Variants in SLC25A35 observed in about 807,000 individuals in gnomAD.
SLC25A35 encodes solute carrier family 25, member 35.
Under a neutral mutation model 30.5 loss-of-function variants are expected in SLC25A35, and 32 were observed. The observed-to-expected ratio is 1.05, with a 90% CI of 0.79 to 1.41. The LOEUF (loss-of-function observed/expected upper bound fraction) is 1.41, where lower values mean the gene tolerates loss of function less well. Among genes scored for constraint, SLC25A35 ranks in the 40% most tolerant of loss-of-function variants. SLC25A35 has a pLI of 0.00. For synonymous variants in SLC25A35, 142 were observed against 158.1 expected (o/e 0.90, Z 0.77); for missense variants, 369 against 388.0 (o/e 0.95, Z 0.41).
rs758433055 is a variant in SLC25A35, at chr17:8,290,845, G to C, written c.726C>G (p.Gly242=). The C allele has an allele frequency of 6.2e-7, 1 of 1,613,874 alleles. No individual in the cohort carries two copies. Among genetic ancestry groups the C allele is most frequent in the Non-Finnish European group, 8.5e-7 (1 of 1,179,850 alleles). The stretch of plus-strand genomic sequence containing the variant: ...GCATCCCAGAGCACTTCCTTACCTT[G>C]CCCTGTGCATCTGTGGGCTGGTTGT... ...RLYNQPTDAQ[G]KGLMYRGILD... is the part of the protein sequence containing the mutation. The change falls in exon 4 of 5, where the codon GGC becomes GGG. Residue 242 remains glycine, a synonymous_variant. Transcript: ENST00000577745.
intron 3 of SLC25A35, 44 bp from the exon 4 acceptor site, chr17:8,291,020 T>C: frequency 6.2e-7 from 1 of 1,611,098 alleles, no homozygotes; most frequent in African/African-American, 1.3e-5. Flanking sequence ...AGCCAACTAT[T>C]ACACCCCAAG....
downstream of SLC25A35, chr17:8,288,658 C>A: frequency 2.8e-6 from 3 of 1,089,184 alleles, no homozygotes; most frequent in Admixed American, 5.3e-5. Context: ...GGAGCCAAAT[C>A]TTAAAGGATC....
intron 2 of SLC25A35, among the ~76,000 whole-genome samples, chr17:8,292,296 T>C (rs1251602603): frequency 6.6e-6 from 1 of 151,746 alleles, no homozygotes; most frequent in Non-Finnish European, 1.5e-5. Context: ...GAAGCGGAGG[T>C]TGCAGTGAGC....
At chr17:8,291,603 G>C in intron 2 of SLC25A35, 118 bp from the exon 3 acceptor site, 1 of 1,378,666 alleles carries the variant, frequency 7.3e-7, no homozygotes, top group Non-Finnish European at 9.7e-7. Context: ...CCAGTTCAAT[G>C]TGGGCTTAGA....
chr17:8,290,985 G>A lies in SLC25A35; in HGVS notation c.595-9C>T, dbSNP rs1415234732. On this transcript the variant is annotated splice_polypyrimidine_tract_variant and intron_variant, in intron 3 of 4. Transcript: ENST00000577745. ...CTCTGGGGAGGAAAGATCTAAGGGG[G>A]TAGAGAGGAAGAGCGTTGTCAACCA... 6.2e-7 allele frequency: 1 copy of A among 1,613,958 alleles called. No individual in the cohort carries two copies. The highest frequency in any genetic ancestry group is 8.5e-7 in the Non-Finnish European group (1 of 1,179,960).
chr17:8,290,210 A>C lies in SLC25A35; in HGVS notation c.*295T>G, dbSNP rs1313486742. On this transcript the variant is annotated 3_prime_UTR_variant, in exon 5 of 5. Transcript: ENST00000577745. Reference sequence around the variant, plus strand: ...AAAACTGTGCATGGGAGCAGGAGGGACTCAAGGGTGGCAGTGGTGAGTGGG... The same window carrying C: ...AAAACTGTGCATGGGAGCAGGAGGGCCTCAAGGGTGGCAGTGGTGAGTGGG... The C allele has an allele frequency of 9.1e-6, 13 of 1,425,854 alleles. No individual in the cohort carries two copies. Among genetic ancestry groups the C allele is most frequent in the Non-Finnish European group, 1.0e-5 (11 of 1,095,288 alleles). The allele number at this position is 1,425,854 out of a possible 1,614,324, so 88.3% of individuals were successfully genotyped here. A position where few individuals can be genotyped will look rare whatever the true frequency, so the allele number is the denominator to read the frequency against.
intron 1 of SLC25A35, among the ~76,000 whole-genome samples, chr17:8,294,140 C>T (rs987887294): frequency 6.6e-6 from 1 of 151,978 alleles, no homozygotes; most frequent in African/African-American, 2.4e-5. Context: ...TGGTCTCCAT[C>T]TCCTGACCTC....
downstream of SLC25A35, chr17:8,289,620 G>T (rs1421115026): frequency 1.9e-6 from 3 of 1,608,328 alleles, no homozygotes; most frequent in Non-Finnish European, 2.6e-6. Context: ...GGTATCTCAT[G>T]ACTGGGTTCC....
At chr17:8,289,871 G>A (rs753414980), downstream of SLC25A35, 6 of 1,613,986 alleles carry the variant, frequency 3.7e-6, no homozygotes, top group Admixed American at 1.7e-5. Context: ...CTGGAGCCTG[G>A]GTGACTTTGA....
chr17:8,292,439 G>A (rs1164232520), intron 2 of SLC25A35, 84 bp downstream of exon 2: 5 of 1,340,678 alleles, frequency 3.7e-6, no homozygotes, highest in Non-Finnish European at 5.4e-6. Context: ...CAGTGGCTGG[G>A]ATTGGATCTG....
At chr17:8,288,434 T>C, downstream of SLC25A35, 4 of 343,058 alleles carry the variant, frequency 1.2e-5, no homozygotes, top group South Asian at 2.7e-5. Flanking sequence ...CAGCGAGACC[T>C]GTCAATCAAT....
At chr17:8,289,289 G>A (rs764005160), downstream of SLC25A35, 2 of 1,613,806 alleles carry the variant, frequency 1.2e-6, no homozygotes, top group African/African-American at 1.3e-5. Context: ...TGGCGTGCAG[G>A]GGGCTAGGGC....
chr17:8,293,455 C>T (rs181693542), intron 1 of SLC25A35, among the ~76,000 whole-genome samples: 30 of 152,292 alleles, frequency 2.0e-4, no homozygotes, highest in African/African-American at 7.2e-4. Context: ...TTGTCTCCCT[C>T]GATCCTCCCA....
At chr17:8,291,297 T>A (rs1177526050) in intron 3 of SLC25A35, 36 bp downstream of exon 3, 1 of 1,609,148 alleles carries the variant, frequency 6.2e-7, no homozygotes, top group African/African-American at 1.3e-5. Flanking sequence ...CCTTCCCCCC[T>A]TCCCGAAACA....
At chr17:8,288,934 G>C (rs906776643), downstream of SLC25A35, 2 of 1,613,988 alleles carry the variant, frequency 1.2e-6, no homozygotes, top group African/African-American at 2.7e-5. Context: ...GGTCAACCAG[G>C]GTCTGCCTCG....
In SLC25A35 at chr17:8,290,307, A is replaced by C. The variant is rs1363291204; in HGVS notation, c.*198T>G. ...TGAGTTACCCAGGGAATGGGTAGGG[A>C]AGGTTTAAAGCAACACCCAAGGAAA... On this transcript the variant is annotated 3_prime_UTR_variant, in exon 5 of 5. Coordinates refer to ENST00000577745, the MANE Select transcript of SLC25A35 (RefSeq NM_001320870.2). 2 of 1,429,862 alleles carry C rather than the reference A, an allele frequency of 1.4e-6. No individual in the cohort carries two copies. Among genetic ancestry groups the C allele is most frequent in the African/African-American group, 2.9e-5 (2 of 69,544 alleles). 88.6% of individuals were successfully genotyped at this position (1,429,862 alleles called of 1,614,324 possible).
intron 3 of SLC25A35, 139 bp downstream of exon 3, chr17:8,291,194 G>C (rs962218216): frequency 4.4e-6 from 6 of 1,362,734 alleles, no homozygotes; most frequent in Non-Finnish European, 5.0e-6. Context: ...TGTGGGAAGG[G>C]TCTAAAGAGT....
At chr17:8,288,863 A>T (rs140016697), downstream of SLC25A35, 9 of 1,614,182 alleles carry the variant, frequency 5.6e-6, no homozygotes, top group African/African-American at 1.2e-4. Flanking sequence ...CCATTGACGT[A>T]AGGTGAGAAG....
chr17:8,294,704 G>T lies in SLC25A35; in HGVS notation c.104C>A (p.Ala35Asp). The change falls in exon 1 of 5, where the codon GCC becomes GAC. Residue 35 changes from alanine (A) to aspartate (D), a missense_variant. Coordinates refer to ENST00000577745, the MANE Select transcript of SLC25A35 (RefSeq NM_001320870.2). ...TRMQLQGELQ[A>D]PGTYQRHYRN... ...GTAGTGCCGCTGGTATGTGCCAGGG[G>T]CCTGCAGTTCTCCTTGCAACTGCAT... 1.2e-6 allele frequency: 2 copies of T among 1,614,216 alleles called. No homozygotes were observed. The highest frequency in any genetic ancestry group is 1.1e-5 in the South Asian group (1 of 91,086).
Sources: allele counts gnomAD v4.1 joint callset (sites outside exome capture counted in the v4.1 genomes callset), GRCh38; gene constraint gnomAD v4.1.1; transcripts MANE v1.5; gene names NCBI Gene and HGNC (gene_info 2026-07-23, HGNC 2026-07-21).